Variants in CCL16 observed in about 807,000 individuals in gnomAD.
The protein encoded by CCL16 is C-C motif chemokine 16.
Under a neutral mutation model 7.5 loss-of-function variants are expected in CCL16, and 6 were observed. The observed-to-expected ratio is 0.80, with a 90% confidence interval of 0.44 to 1.57. The LOEUF (loss-of-function observed/expected upper bound fraction) is 1.57. CCL16 is among the 40% of genes most tolerant of loss of function. The pLI is 0.01. For synonymous variants in CCL16, 60 were observed against 57.7 expected, an observed-to-expected ratio of 1.04 and a Z score of -0.18; for missense variants, 134 against 142.9, an observed-to-expected ratio of 0.94 and a Z score of 0.32.
At chr17:35,980,514 T>C in intron 1 of CCL16, 1 of 180,624 alleles carries the variant, frequency 5.5e-6, no homozygotes. Context: ...AGAGCGAAAC[T>C]CCATCACAAA....
At chr17:35,981,300 C>T (rs745921070) in intron 1 of CCL16, 45 bp downstream of exon 1, 5 of 1,424,230 alleles carry the variant, frequency 3.5e-6, no homozygotes, top group Admixed American at 3.6e-5. Flanking sequence ...CCAGCTGCTC[C>T]ATCCCCCTTT....
intron 1 of CCL16, among the ~76,000 whole-genome samples, chr17:35,979,259 C>A (rs1214929518): frequency 1.3e-5 from 2 of 151,978 alleles, no homozygotes; most frequent in East Asian, 3.9e-4. Flanking sequence ...GGCTGGCATG[C>A]AAGGTAGGAA....
chr17:35,978,353 C>A, intron 1 of CCL16, 90 bp from the exon 2 acceptor site: 1 of 1,569,912 alleles, frequency 6.4e-7, no homozygotes. Context: ...TGTTTCACTC[C>A]TCTGATAGCA....
chr17:35,980,867 A>G (rs2089675940), intron 1 of CCL16, among the ~76,000 whole-genome samples: 1 of 151,974 alleles, frequency 6.6e-6, no homozygotes, highest in South Asian at 2.1e-4. Context: ...AGTCCCAGCA[A>G]CCTGTGCCAG....
At position 35,976,973 on chromosome 17, in the gene CCL16, GGAATT is replaced by G. The variant is rs2089641754; in HGVS notation, c.*588_*592del. ...TGGCTTGTGTACTGGTGTGAAGTGA[GGAATT>G]GAAAGAGAGCAGGAGAAGGATGTGA... On this transcript the variant is annotated 3_prime_UTR_variant, in exon 3 of 3. Coordinates refer to ENST00000611905, the MANE Select transcript of CCL16 (RefSeq NM_004590.4). 1 of 152,346 alleles carries G rather than the reference GGAATT, an allele frequency of 6.6e-6. No individual in the cohort carries two copies. The highest frequency in any genetic ancestry group is 2.4e-5 in the African/African-American group (1 of 41,454). 9.4% of individuals were successfully genotyped at this position (152,346 alleles called of 1,614,324 possible).
At position 35,976,903 on chromosome 17, in the gene CCL16, G is replaced by A. The variant is rs2089641207; in HGVS notation, c.*663C>T. On this transcript the variant is annotated 3_prime_UTR_variant, in exon 3 of 3. Transcript: ENST00000611905. ...GCTCTTAATGGGTCAAGACCCAGAG[G>A]GCAAAGATCATCTGGAAGGCTGGAA... is the stretch of plus-strand genomic sequence containing the variant. The A allele has an allele frequency of 2.6e-5, 4 of 152,210 alleles. No homozygotes were observed. Among genetic ancestry groups the A allele is most frequent in the Admixed American group, 2.6e-4 (4 of 15,264 alleles). 9.4% of individuals were successfully genotyped at this position (152,210 alleles called of 1,614,324 possible).
intron 2 of CCL16, 124 bp from the exon 3 acceptor site, chr17:35,977,855 G>T: frequency 8.7e-7 from 1 of 1,149,056 alleles, no homozygotes; most frequent in Non-Finnish European, 1.2e-6. Flanking sequence ...GCCTGTCCTG[G>T]CTGGGTTCCC....
Position 35,981,349 on chromosome 17 carries a change from C to T in CCL16, c.72G>A (p.Gln24=). 6.2e-7 allele frequency: 1 copy of T among 1,610,542 alleles called. No homozygotes were observed. Among genetic ancestry groups the T allele is most frequent in the Non-Finnish European group, 8.5e-7 (1 of 1,177,970 alleles). The stretch of plus-strand genomic sequence containing the variant: ...TACAGAGACAAGTGGACTCACTTGG[C>T]TGGCTGCGAGAAGCCGAAGTAATGA... The part of the protein sequence containing the change: ...ILIITSASRS[Q]PKVPEWVNTP... Residue 24 remains glutamine (Q), a synonymous_variant, in exon 1 of 3, where the codon CAG becomes CAA. Transcript: ENST00000611905.
In CCL16 at chr17:35,977,580, G is replaced by A; in HGVS notation, c.349C>T (p.Leu117Phe). 1 of 1,612,736 alleles carries A rather than the reference G, an allele frequency of 6.2e-7. No individual in the cohort carries two copies. The highest frequency in any genetic ancestry group is 8.5e-7 in the Non-Finnish European group (1 of 1,179,958). Residue 117 changes from leucine (L) to phenylalanine (F), a missense_variant, in exon 3 of 3, where the codon CTC (leucine) becomes TTC (phenylalanine). Transcript: ENST00000611905. The part of the protein sequence containing the change: ...ITAKNGQPQL[L>F]NSQ ...AAGCCTGGTCATCACTGGGAGTTGAGGAGCTGGGGTTGACCATTCTTTGCT... is the reference window on the plus strand; with the variant it reads ...AAGCCTGGTCATCACTGGGAGTTGAAGAGCTGGGGTTGACCATTCTTTGCT...
At chr17:35,980,051 C>T (rs1350620897) in intron 1 of CCL16, among the ~76,000 whole-genome samples, 1 of 152,188 alleles carries the variant, frequency 6.6e-6, no homozygotes, top group East Asian at 1.9e-4. Flanking sequence ...AGCACTGTTC[C>T]CCCCTCCCAC....
In CCL16 at chr17:35,977,495, T is replaced by A. The variant is rs2089646870; in HGVS notation, c.*71A>T. 5 of 1,403,026 alleles carry A rather than the reference T, an allele frequency of 3.6e-6. No homozygotes were observed. The highest frequency in any genetic ancestry group is 4.9e-6 in the Non-Finnish European group (5 of 1,013,550). 86.9% of individuals were successfully genotyped at this position (1,403,026 alleles called of 1,614,324 possible). A position where few individuals can be genotyped will look rare whatever the true frequency, so the allele number is the denominator to read the frequency against. ...ATGTGACTGGCTAGTTTCAGCCTAA[T>A]AAGGCTTCCCCTGTTTTCATAGGTT... On this transcript the variant is annotated 3_prime_UTR_variant, in exon 3 of 3. Coordinates refer to ENST00000611905, the MANE Select transcript of CCL16 (RefSeq NM_004590.4).
Position 35,981,414 on chromosome 17 carries a change from C to G in CCL16, c.7G>C (p.Val3Leu), listed in dbSNP as rs757695950. 1.9e-5 allele frequency: 30 copies of G among 1,610,802 alleles called. No homozygotes were observed. Among genetic ancestry groups the G allele is most frequent in the Non-Finnish European group, 2.5e-5 (29 of 1,178,392 alleles). ...AGGAGAGACAGGGCAGCCTCGGAGACCTTCATCCTCTCAGCGAGGCAGTAC... is the reference window on the plus strand; with the variant it reads ...AGGAGAGACAGGGCAGCCTCGGAGAGCTTCATCCTCTCAGCGAGGCAGTAC... The part of the protein sequence containing the change: MK[V>L]SEAALSLLVL... The change falls in exon 1 of 3, where the codon GTC (valine) becomes CTC (leucine). Residue 3 changes from valine to leucine, a missense_variant. Physicochemically the swap from Val to Leu is conservative, Grantham distance 32. Transcript: ENST00000611905.
At chr17:35,980,966 C>G (rs952767637) in intron 1 of CCL16, among the ~76,000 whole-genome samples, 1 of 152,190 alleles carries the variant, frequency 6.6e-6, no homozygotes, top group African/African-American at 2.4e-5. Flanking sequence ...CCTCTCGCCA[C>G]TCATTCTTCC....
chr17:35,978,715 T>TA (rs2089659112), intron 1 of CCL16, among the ~76,000 whole-genome samples: 1 of 152,186 alleles, frequency 6.6e-6, no homozygotes, highest in South Asian at 2.1e-4. Flanking sequence ...TGGTCCAGGA[T>TA]AGAACAGACT....
chr17:35,977,859 G>T, intron 2 of CCL16, 128 bp from the exon 3 acceptor site: 1 of 1,087,522 alleles, frequency 9.2e-7, no homozygotes, highest in Non-Finnish European at 1.3e-6. Flanking sequence ...GTCCTGGCTG[G>T]GTTCCCTCAG....
intron 2 of CCL16, 143 bp from the exon 3 acceptor site, chr17:35,977,874 C>T: frequency 1.0e-6 from 1 of 955,106 alleles, no homozygotes; most frequent in Non-Finnish European, 1.6e-6. Context: ...CCTCAGACAG[C>T]CTCTCTCTCT....
intron 2 of CCL16, 142 bp downstream of exon 2, chr17:35,978,001 C>T: frequency 1.6e-6 from 2 of 1,212,738 alleles, no homozygotes; most frequent in South Asian, 1.4e-5. Context: ...GAATTAATCC[C>T]AGGCCCCTGA....
At position 35,977,435 on chromosome 17, in the gene CCL16, TCTC is replaced by T. The variant is rs2089646450; in HGVS notation, c.*128_*130del. On this transcript the variant is annotated 3_prime_UTR_variant, in exon 3 of 3. Coordinates refer to ENST00000611905, the MANE Select transcript of CCL16 (RefSeq NM_004590.4). ...AGATTGAGAAAATATTCGAAATACT[TCTC>T]CTTTATTTTGATCATTGTTCTGCTT... 5.5e-6 allele frequency: 4 copies of T among 730,286 alleles called. No individual in the cohort carries two copies. The highest frequency in any genetic ancestry group is 6.5e-6 in the Non-Finnish European group (3 of 464,292). 45.2% of individuals were successfully genotyped at this position (730,286 alleles called of 1,614,324 possible).
In CCL16 at chr17:35,976,664, T is replaced by C. The variant is rs1211212964; in HGVS notation, c.*902A>G. The C allele has an allele frequency of 6.6e-6, 1 of 151,798 alleles. No individual in the cohort carries two copies. The highest frequency in any genetic ancestry group is 2.4e-5 in the African/African-American group (1 of 41,320). 9.4% of individuals were successfully genotyped at this position (151,798 alleles called of 1,614,324 possible). A position where few individuals can be genotyped will look rare whatever the true frequency, so the allele number is the denominator to read the frequency against. On this transcript the variant is annotated 3_prime_UTR_variant, in exon 3 of 3. Transcript: ENST00000611905. ...CTTCTCTCTCTCTCTCTTTTTTTTTTTTTTCCAATCAGGCACTCTCTGTAC... is the reference window on the plus strand; with the variant it reads ...CTTCTCTCTCTCTCTCTTTTTTTTTCTTTTCCAATCAGGCACTCTCTGTAC...
Sources: gnomAD v4.1 joint callset for allele counts (sites outside exome capture counted in the v4.1 genomes callset) on GRCh38, gnomAD v4.1.1 for gene constraint, MANE v1.5 for transcripts, NCBI Gene and HGNC (gene_info 2026-07-23, HGNC 2026-07-21) for gene names.